Variants in HDAC4 observed in about 807,000 individuals in gnomAD.
HDAC4 encodes the protein histone deacetylase 4.
In HDAC4, 16 loss-of-function variants were observed where a neutral mutation model predicts 135.1. The ratio of observed to expected loss-of-function variants is 0.12; its 90% CI spans 0.08 to 0.18. The LOEUF (loss-of-function observed/expected upper bound fraction) is 0.18. HDAC4 is among the 10% of genes least tolerant of loss of function. The pLI, the probability that HDAC4 is intolerant of heterozygous loss-of-function variation, is 1.00. For missense variants in HDAC4, 1,143 were observed against 1,511.8 expected, an observed-to-expected ratio of 0.76 and a Z score of 4.05; for synonymous variants, 685 against 653.4, an observed-to-expected ratio of 1.05 and a Z score of -0.74.
intron 12 of HDAC4, among the ~76,000 whole-genome samples, chr2:239,120,903 G>C (rs1210044184): frequency 3.9e-5 from 6 of 152,080 alleles, no homozygotes; most frequent in Non-Finnish European, 8.8e-5. Context: ...TCGAGGAAAA[G>C]GGTTTGTCTG....
At chr2:239,218,581 C>T (rs1468158076) in intron 3 of HDAC4, among the ~76,000 whole-genome samples, 1 of 150,754 alleles carries the variant, frequency 6.6e-6, no homozygotes, top group African/African-American at 2.4e-5. Context: ...GTCTAAAACA[C>T]CAAAAGCAAT....
Position 239,067,893 on chromosome 2 carries a change from C to T in HDAC4, c.2869+596G>A, listed in dbSNP as rs567740251. On this transcript the variant is annotated intron_variant, in intron 23 of 26. Coordinates refer to ENST00000543185, the MANE Select transcript of HDAC4 (RefSeq NM_001378414.1). ...GGATGCTTGGGCCTCGGGAGGCTCT[C>T]CAGGATCCTCGGGGACTCCAGGGTG... is the stretch of plus-strand genomic sequence containing the variant. Among the ~76,000 whole-genome samples, 98 of 152,316 alleles carry T rather than the reference C, an allele frequency of 6.4e-4. No homozygotes were observed. In the South Asian group the frequency reaches 0.011, roughly 17 times the overall value.
chr2:239,219,548 G>A (rs548932884), intron 3 of HDAC4, among the ~76,000 whole-genome samples: 51 of 152,004 alleles, frequency 3.4e-4, no homozygotes, highest in African/African-American at 1.2e-3. Context: ...CAGCACACCA[G>A]CATGGCACAT....
At chr2:239,378,032 G>A (rs1019998409) in intron 1 of HDAC4, among the ~76,000 whole-genome samples, 21 of 152,134 alleles carry the variant, frequency 1.4e-4, no homozygotes, top group Non-Finnish European at 1.9e-4. Context: ...GAGACGTCGC[G>A]TCCTGAGGCA....
chr2:239,286,141 T>G (rs1242097725), intron 2 of HDAC4, among the ~76,000 whole-genome samples: 2 of 152,224 alleles, frequency 1.3e-5, no homozygotes, highest in African/African-American at 4.8e-5. Context: ...CATGTATGTT[T>G]TGATTAAATA....
At chr2:239,270,959 T>A (rs575986858) in intron 2 of HDAC4, among the ~76,000 whole-genome samples, 11 of 152,322 alleles carry the variant, frequency 7.2e-5, no homozygotes, top group Admixed American at 6.5e-4. Flanking sequence ...ATATTAAATA[T>A]ATCCTAATTA....
At chr2:239,247,540 G>A (rs1158574681) in intron 2 of HDAC4, among the ~76,000 whole-genome samples, 1 of 152,134 alleles carries the variant, frequency 6.6e-6, no homozygotes, top group Non-Finnish European at 1.5e-5. Context: ...TCCACGCCAG[G>A]GCATCTGAGC....
intron 1 of HDAC4, among the ~76,000 whole-genome samples, chr2:239,394,312 G>A (rs989153591): frequency 7.9e-5 from 12 of 152,154 alleles, no homozygotes; most frequent in Admixed American, 2.6e-4. Context: ...AAATGTTTAT[G>A]TACACAAACA....
rs752406118 is a variant in HDAC4, at chr2:239,139,727, G to A, written c.935C>T (p.Ala312Val). 3.7e-6 allele frequency: 6 copies of A among 1,614,012 alleles called. No homozygotes were observed. The African/African-American group carries it at 4.0e-5, about 11-fold the overall frequency. The change falls in exon 9 of 27, where the codon GCG (alanine) becomes GTG (valine). Residue 312 changes from alanine to valine, a missense_variant. Physicochemically the swap from Ala to Val is moderately conservative, Grantham distance 64. Transcript: ENST00000543185. The surrounding 1 kb of genome is among the most constrained non-coding windows in gnomAD (Gnocchi z 5.3). ...SPNNSSGSVS[A>V]ENGIAPAVPS... The stretch of plus-strand genomic sequence containing the variant: ...GACGGCGGGCGCGATACCGTTCTCC[G>A]CGCTGACGCTCCCGGAGCTGTTGTT...
Position 239,226,227 on chromosome 2 carries a change from G to A in HDAC4, c.94+10366C>T, listed in dbSNP as rs542468266. 8.4e-4 allele frequency among the ~76,000 whole-genome samples: 128 copies of A among 152,120 alleles called. 1 individual carries two copies. Among genetic ancestry groups the A allele is most frequent in the African/African-American group, 2.7e-3 (113 of 41,486 alleles). ...GTCATGATGCAAAAATTCATTCCTG[G>A]ATAATACTTTTGGCCACCAGTGACA... On this transcript the variant is annotated intron_variant, in intron 3 of 26. Coordinates refer to ENST00000543185, the MANE Select transcript of HDAC4 (RefSeq NM_001378414.1).
At chr2:239,161,496 T>C (rs1559535004) in intron 6 of HDAC4, among the ~76,000 whole-genome samples, 1 of 152,196 alleles carries the variant, frequency 6.6e-6, no homozygotes, top group Admixed American at 6.5e-5. Context: ...GTTTCAGTTC[T>C]TTCCCTATGA....
At chr2:239,207,578 A>G (rs1453612840) in intron 3 of HDAC4, among the ~76,000 whole-genome samples, 1 of 152,184 alleles carries the variant, frequency 6.6e-6, no homozygotes, top group Non-Finnish European at 1.5e-5. Flanking sequence ...TTTAAAAAAT[A>G]AAAAAATACA....
chr2:239,281,058 CCA>C (rs1463865002), intron 2 of HDAC4, among the ~76,000 whole-genome samples: 3 of 131,558 alleles, frequency 2.3e-5, no homozygotes, highest in East Asian at 2.1e-4. Flanking sequence ...AATGTACACA[CCA>C]CTCTTAATGT....
chr2:239,176,570 G>A lies in HDAC4; in HGVS notation c.340-7C>T. Reference sequence around the variant, plus strand: ...CCAGCATCTCCTGTTGTTGCTGCAAGTGGAAGGAGGAGACAGACGGTCAGA... The same window carrying A: ...CCAGCATCTCCTGTTGTTGCTGCAAATGGAAGGAGGAGACAGACGGTCAGA... On this transcript the variant is annotated splice_polypyrimidine_tract_variant and splice_region_variant and intron_variant, in intron 4 of 26. Coordinates refer to ENST00000543185, the MANE Select transcript of HDAC4 (RefSeq NM_001378414.1). 6.2e-7 allele frequency: 1 copy of A among 1,612,298 alleles called. No individual in the cohort carries two copies. The highest frequency in any genetic ancestry group is 8.5e-7 in the Non-Finnish European group (1 of 1,179,762).
At chr2:239,194,937 G>A (rs1015562824) in intron 3 of HDAC4, among the ~76,000 whole-genome samples, 1 of 152,220 alleles carries the variant, frequency 6.6e-6, no homozygotes, top group Non-Finnish European at 1.5e-5. Flanking sequence ...TCGCAGATCT[G>A]TGTCTCCAGC....
Position 239,081,142 on chromosome 2 carries a change from G to A in HDAC4, c.2703C>T (p.Gly901=), listed in dbSNP as rs776628166. 20 of 1,613,878 alleles carry A rather than the reference G, an allele frequency of 1.2e-5. No individual in the cohort carries two copies. Among genetic ancestry groups the A allele is most frequent in the South Asian group, 8.8e-5 (8 of 91,060 alleles). The change falls in exon 22 of 27, where the codon GGC becomes GGT. Residue 901 remains glycine, a synonymous_variant. Transcript: ENST00000543185. ...VGFNVNMAFT[G]GLDPPMGDAE... is the part of the protein sequence containing the mutation. ...CGTCTCCCATGGGGGGGTCCAGGCC[G>A]CCGGTGAAAGCCATGTTGACGTTGA... is the stretch of plus-strand genomic sequence containing the variant.
Position 239,141,082 on chromosome 2 carries a change from AGAG to A in HDAC4, c.866-1289_866-1287del. ...TGCCATTATGACCCCGTTTCCCAGA[AGAG>A]GAGATGGAGGCATGGAGCAGCAACA... On this transcript the variant is annotated intron_variant, in intron 8 of 26. Coordinates refer to ENST00000543185, the MANE Select transcript of HDAC4 (RefSeq NM_001378414.1). The surrounding 1 kb of genome is among the most constrained non-coding windows in gnomAD (Gnocchi z 4.9). The A allele has an allele frequency of 3.6e-6, 1 of 280,484 alleles. No homozygotes were observed. Among genetic ancestry groups the A allele is most frequent in the Admixed American group, 4.8e-5 (1 of 20,798 alleles). 17.4% of individuals were successfully genotyped at this position (280,484 alleles called of 1,614,324 possible).
chr2:239,086,386 C>A (rs140898460), intron 19 of HDAC4, among the ~76,000 whole-genome samples: 1 of 149,052 alleles, frequency 6.7e-6, no homozygotes, highest in Non-Finnish European at 1.5e-5. Flanking sequence ...TGCTCTAACA[C>A]GCGGATCTGA....
chr2:239,381,287 C>T (rs1275064509), intron 1 of HDAC4, among the ~76,000 whole-genome samples: 1 of 152,202 alleles, frequency 6.6e-6, no homozygotes, highest in Non-Finnish European at 1.5e-5. Context: ...AATATCCTTT[C>T]TTTTTATGTA....
Sources: gnomAD v4.1 joint callset for allele counts (sites outside exome capture counted in the v4.1 genomes callset) on GRCh38, gnomAD v4.1.1 for gene constraint, Gnocchi (gnomAD v3.1) non-coding constraint, MANE v1.5 for transcripts, NCBI Gene and HGNC (gene_info 2026-07-23, HGNC 2026-07-21) for gene names.